Variants in SCEL observed in about 807,000 individuals in gnomAD.
The protein encoded by SCEL is sciellin.
A neutral mutation model predicts 117.6 loss-of-function variants in SCEL; 113 were observed. The observed-to-expected ratio is 0.96, with a 90% confidence interval of 0.83 to 1.12. SCEL has a LOEUF of 1.12. SCEL is among the 50% of genes most tolerant of loss of function. The pLI, the probability that SCEL is intolerant of heterozygous loss-of-function variation, is 0.00. For synonymous variants in SCEL, 270 were observed against 256.2 expected, an observed-to-expected ratio of 1.05 and a Z score of -0.51; for missense variants, 785 against 810.8, an observed-to-expected ratio of 0.97 and a Z score of 0.39.
In SCEL at chr13:77,555,798, T is replaced by C. The variant is rs536879708; in HGVS notation, c.-19-59T>C. On this transcript the variant is annotated intron_variant, in intron 1 of 32. Transcript: ENST00000349847. ...AAAGTGAATCTCAGTCATGAAACAG[T>C]CACTTACAGGTTCTCAGAGTCATTG... 8 of 1,088,484 alleles carry C rather than the reference T, an allele frequency of 7.3e-6. No individual in the cohort carries two copies. The African/African-American group carries it at 1.2e-4, about 17-fold the overall frequency. The allele number at this position is 1,088,484 out of a possible 1,614,324, so 67.4% of individuals were successfully genotyped here.
chr13:77,628,357 C>G (rs1040078049), intron 28 of SCEL, among the ~76,000 whole-genome samples: 51 of 151,924 alleles, frequency 3.4e-4, no homozygotes, highest in African/African-American at 1.1e-3. Context: ...TTTATTTTTA[C>G]TTACTGTTGC....
chr13:77,537,677 A>G (rs2083480036), intron 1 of SCEL, among the ~76,000 whole-genome samples: 1 of 152,194 alleles, frequency 6.6e-6, no homozygotes, highest in African/African-American at 2.4e-5. Flanking sequence ...CTCGAATGCC[A>G]TTCTGTAGGT....
At chr13:77,621,278 A>G (rs73229101) in intron 27 of SCEL, among the ~76,000 whole-genome samples, 17,723 of 152,136 alleles carry the variant, frequency 0.12, 1,139 homozygotes, top group Non-Finnish European at 0.15. Context: ...CTGGTCTCTA[A>G]GCCCACCACG....
intron 5 of SCEL, among the ~76,000 whole-genome samples, chr13:77,565,248 T>C (rs2085224070): frequency 6.6e-6 from 1 of 152,194 alleles, no homozygotes; most frequent in South Asian, 2.1e-4. Flanking sequence ...CTGAGTGGGC[T>C]CTTAAACTTT....
intron 22 of SCEL, among the ~76,000 whole-genome samples, chr13:77,612,379 A>G (rs958294506): frequency 2.0e-5 from 3 of 150,170 alleles, no homozygotes; most frequent in African/African-American, 7.3e-5. Flanking sequence ...ATCTTGGGGT[A>G]GTGTGAATAT....
intron 16 of SCEL, 143 bp downstream of exon 16, chr13:77,602,267 A>G (rs2087764139): frequency 1.7e-6 from 1 of 604,396 alleles, no homozygotes; most frequent in Non-Finnish European, 2.8e-6. Flanking sequence ...GGCAAAAGGA[A>G]TATGTTGAGT....
chr13:77,553,558 T>C (rs1184126422), intron 1 of SCEL, among the ~76,000 whole-genome samples: 1 of 152,180 alleles, frequency 6.6e-6, no homozygotes, highest in Admixed American at 6.5e-5. Flanking sequence ...CCTTTAGGTA[T>C]TTCTTTACCT....
At position 77,640,676 on chromosome 13, in the gene SCEL, G is replaced by A; in HGVS notation, c.1839G>A (p.Arg613=). The A allele has an allele frequency of 2.0e-6, 3 of 1,533,360 alleles. No homozygotes were observed. The highest frequency in any genetic ancestry group is 1.7e-4 in the Middle Eastern group (1 of 5,844). 95.0% of individuals were successfully genotyped at this position (1,533,360 alleles called of 1,614,324 possible). A position where few individuals can be genotyped will look rare whatever the true frequency, so the allele number is the denominator to read the frequency against. Residue 613 remains arginine, a splice_region_variant and synonymous_variant, in exon 31 of 33, where the codon AGG becomes AGA. Transcript: ENST00000349847. ...TTTTTAATTGCTTACATTTCTATAG[G>A]TCTGTCATTGAAAGAGATATGTGCA... ...YIQTVYSTSD[R]SVIERDMCTY... is the part of the protein sequence containing the mutation.
chr13:77,633,438 G>A (rs1399667976), intron 28 of SCEL, among the ~76,000 whole-genome samples: 6 of 32,314 alleles, frequency 1.9e-4, no homozygotes, highest in Admixed American at 4.3e-4. Flanking sequence ...GCGAGACTCC[G>A]CCTCAAAAAA....
intron 31 of SCEL, 24 bp from the exon 32 acceptor site, chr13:77,642,680 CTT>C (rs1366273451): frequency 1.3e-5 from 18 of 1,346,348 alleles, no homozygotes; most frequent in Non-Finnish European, 1.9e-5. Context: ...ACAATGGAAA[CTT>C]TATATATGTA....
At chr13:77,546,116 C>T (rs1256549973) in intron 1 of SCEL, among the ~76,000 whole-genome samples, 1 of 152,178 alleles carries the variant, frequency 6.6e-6, no homozygotes, top group East Asian at 1.9e-4. Flanking sequence ...CCACTTCAGG[C>T]CACTTCTGGC....
At chr13:77,537,663 T>C (rs1271683440) in intron 1 of SCEL, among the ~76,000 whole-genome samples, 2 of 152,148 alleles carry the variant, frequency 1.3e-5, no homozygotes, top group African/African-American at 4.8e-5. Flanking sequence ...CAGAACACCC[T>C]TGCCTCGAAT....
chr13:77,575,142 A>G (rs954958519), intron 9 of SCEL, among the ~76,000 whole-genome samples: 5 of 152,118 alleles, frequency 3.3e-5, no homozygotes, highest in African/African-American at 1.2e-4. Flanking sequence ...TCCCTTTCTT[A>G]ATTTATACAC....
intron 9 of SCEL, among the ~76,000 whole-genome samples, chr13:77,585,079 C>T (rs541902815): frequency 3.3e-5 from 5 of 152,340 alleles, no homozygotes; most frequent in Admixed American, 1.3e-4. Context: ...GTTGCAAATC[C>T]GTCTTTGGTA....
At chr13:77,638,655 T>C (rs955722011) in intron 30 of SCEL, among the ~76,000 whole-genome samples, 3 of 152,208 alleles carry the variant, frequency 2.0e-5, no homozygotes, top group African/African-American at 7.2e-5. Flanking sequence ...GTGTGTGAAA[T>C]TGGCGATGTT....
chr13:77,605,410 A>G (rs1052097192), intron 19 of SCEL, among the ~76,000 whole-genome samples: 2 of 152,120 alleles, frequency 1.3e-5, no homozygotes, highest in African/African-American at 4.8e-5. Flanking sequence ...GAAAACATTG[A>G]TTTCCTTCAG....
chr13:77,614,790 T>G (rs1393000375), intron 24 of SCEL, among the ~76,000 whole-genome samples: 1 of 152,140 alleles, frequency 6.6e-6, no homozygotes, highest in Non-Finnish European at 1.5e-5. Flanking sequence ...AAAAAATTAG[T>G]GGAAGACTGA....
chr13:77,624,318 C>T (rs1364636020), intron 27 of SCEL, among the ~76,000 whole-genome samples: 1 of 151,974 alleles, frequency 6.6e-6, no homozygotes, highest in Admixed American at 6.6e-5. Flanking sequence ...GTTGGTCAGG[C>T]TGGTCTGGAA....
In SCEL at chr13:77,612,471, T is replaced by C. The variant is rs1460173211; in HGVS notation, c.1338-420T>C. 8.6e-3 allele frequency among the ~76,000 whole-genome samples: 1,255 copies of C among 146,698 alleles called. 39 individuals are homozygous for C. The highest frequency in any genetic ancestry group is 0.029 in the African/African-American group (1,159 of 40,372). ...TTTTTCTTTTCTTTTTTTTTTTTTT[T>C]TTTTTTTTTTTTTTACAAATTATCT... On this transcript the variant is annotated intron_variant, in intron 22 of 32. Transcript: ENST00000349847.
Sources: allele counts gnomAD v4.1 joint callset (sites outside exome capture counted in the v4.1 genomes callset), GRCh38; gene constraint gnomAD v4.1.1; transcripts MANE v1.5; gene names NCBI Gene and HGNC (gene_info 2026-07-23, HGNC 2026-07-21).